TMEM123: variants seen among roughly 807,000 people sequenced by gnomAD.
TMEM123 encodes the protein porimin.
TMEM123 carries 16 observed loss-of-function variants against 19.7 expected under a neutral mutation model. That is an observed-to-expected ratio of 0.81 (90% CI 0.55 to 1.23). TMEM123 has a LOEUF of 1.23. TMEM123 is among the 50% of genes most tolerant of loss of function. TMEM123 has a pLI of 0.00. For synonymous variants in TMEM123, 118 were observed against 99.4 expected (o/e 1.19, Z -1.12); for missense variants, 313 against 257.8 (o/e 1.21, Z -1.47).
At chr11:102,449,755 C>T (rs1857920052) in intron 1 of TMEM123, among the ~76,000 whole-genome samples, 1 of 152,206 alleles carries the variant, frequency 6.6e-6, no homozygotes, top group East Asian at 1.9e-4. Context: ...AGATAGCAAA[C>T]AATTGCCAAC....
intron 2 of TMEM123, among the ~76,000 whole-genome samples, chr11:102,404,526 C>A (rs935949502): frequency 4.0e-5 from 6 of 151,772 alleles, no homozygotes; most frequent in African/African-American, 1.2e-4. Flanking sequence ...TCAGGTGATC[C>A]GCCCACCTCA....
intron 4 of TMEM123, among the ~76,000 whole-genome samples, chr11:102,400,666 C>T (rs751143613): frequency 6.6e-6 from 1 of 152,160 alleles, no homozygotes; most frequent in Non-Finnish European, 1.5e-5. Context: ...GTAGTTAGGT[C>T]GTGAGGGTGG....
chr11:102,446,798 G>A (rs1031356061), intron 2 of TMEM123, among the ~76,000 whole-genome samples: 2 of 152,172 alleles, frequency 1.3e-5, no homozygotes, highest in African/African-American at 4.8e-5. Flanking sequence ...ACTGCAGGCA[G>A]TCTCCGCTTT....
Position 102,401,625 on chromosome 11 carries a change from A to C in TMEM123, c.516T>G (p.Gly172=), listed in dbSNP as rs1951913876. Residue 172 remains glycine, a synonymous_variant, in exon 4 of 5, where the codon GGT becomes GGG. Transcript: ENST00000398136. Reference sequence around the variant, plus strand: ...ATAAAACTCCCAGCGTTAATACAATACCACCAACAAAGCTCCCAGTATCAA... The same window carrying C: ...ATAAAACTCCCAGCGTTAATACAATCCCACCAACAAAGCTCCCAGTATCAA... ...SKFDTGSFVG[G]IVLTLGVLSI... is the part of the protein sequence containing the mutation. The C allele has an allele frequency of 1.2e-6, 2 of 1,609,100 alleles. No homozygotes were observed. Among genetic ancestry groups the C allele is most frequent in the Non-Finnish European group, 1.7e-6 (2 of 1,178,880 alleles).
chr11:102,439,985 T>C (rs1014085425), intron 2 of TMEM123, among the ~76,000 whole-genome samples: 1 of 152,162 alleles, frequency 6.6e-6, no homozygotes, highest in African/African-American at 2.4e-5. Flanking sequence ...GAAGCAAGAT[T>C]ATAAGTTTAG....
chr11:102,402,305 C>G, intron 2 of TMEM123, 99 bp from the exon 3 acceptor site: 1 of 1,235,088 alleles, frequency 8.1e-7, no homozygotes, highest in Non-Finnish European at 1.1e-6. Context: ...AGCAAGAGAT[C>G]TTACAAATAC....
rs561315464 is a variant in TMEM123, at chr11:102,425,802, T to C, written c.157+23010A>G. ...TTCCCCATGTTGTGCAGGCTGGTCT[T>C]AACTCCTGGAGTCAAGCAATCTGCC... is the stretch of plus-strand genomic sequence containing the variant. On this transcript the variant is annotated intron_variant, in intron 2 of 4. Coordinates refer to ENST00000398136, the MANE Select transcript of TMEM123 (RefSeq NM_052932.3). 2.6e-5 allele frequency among the ~76,000 whole-genome samples: 4 copies of C among 152,116 alleles called. No homozygotes were observed. In the South Asian group the frequency reaches 8.3e-4, roughly 32 times the overall value.
intron 2 of TMEM123, among the ~76,000 whole-genome samples, chr11:102,412,737 T>C (rs1046478476): frequency 5.9e-5 from 9 of 152,106 alleles, no homozygotes; most frequent in African/African-American, 1.4e-4. Context: ...ATGAGAAATA[T>C]ATAAAACAAA....
chr11:102,422,337 G>T (rs1278230576), intron 2 of TMEM123, among the ~76,000 whole-genome samples: 1 of 152,104 alleles, frequency 6.6e-6, no homozygotes, highest in Non-Finnish European at 1.5e-5. Flanking sequence ...AGCCAGGTGT[G>T]GTGGCACACG....
intron 1 of TMEM123, chr11:102,452,065 A>C (rs1421346642): frequency 6.5e-6 from 1 of 153,236 alleles, no homozygotes; most frequent in African/African-American, 2.4e-5. Context: ...ATAATATTAG[A>C]CGCTGAAATG....
intron 2 of TMEM123, among the ~76,000 whole-genome samples, chr11:102,425,201 CT>C (rs566277102): frequency 3.9e-5 from 6 of 152,158 alleles, no homozygotes; most frequent in Non-Finnish European, 8.8e-5. Context: ...CTGTGTAGCT[CT>C]TTTTTCATCT....
chr11:102,447,478 G>C (rs1857896032), intron 2 of TMEM123, among the ~76,000 whole-genome samples: 1 of 152,116 alleles, frequency 6.6e-6, no homozygotes, highest in African/African-American at 2.4e-5. Flanking sequence ...ATTAGTAAAT[G>C]TATGAGGAGT....
intron 2 of TMEM123, among the ~76,000 whole-genome samples, chr11:102,410,511 CAAA>C (rs796159138): frequency 1.9e-5 from 2 of 105,410 alleles, no homozygotes; most frequent in Admixed American, 1.0e-4. Context: ...CTGTTAGTTA[CAAA>C]AAAAAAAAAA....
intron 1 of TMEM123, among the ~76,000 whole-genome samples, chr11:102,450,495 A>G (rs541199108): frequency 6.6e-6 from 1 of 152,308 alleles, no homozygotes; most frequent in South Asian, 2.1e-4. Context: ...CCTTCAACTG[A>G]TATTTATAAA....
intron 2 of TMEM123, among the ~76,000 whole-genome samples, chr11:102,411,491 G>A (rs892318685): frequency 1.3e-4 from 20 of 152,188 alleles, no homozygotes; most frequent in Non-Finnish European, 2.2e-4. Context: ...GGGGGTTATG[G>A]GAAAGCCTGA....
intron 1 of TMEM123, among the ~76,000 whole-genome samples, chr11:102,451,783 C>T (rs185430425): frequency 1.4e-4 from 21 of 152,378 alleles, no homozygotes; most frequent in African/African-American, 4.8e-4. Flanking sequence ...AAAGCAAAGT[C>T]AACATCATCC....
intron 2 of TMEM123, among the ~76,000 whole-genome samples, chr11:102,441,210 G>C (rs1857822360): frequency 6.6e-6 from 1 of 152,184 alleles, no homozygotes; most frequent in Admixed American, 6.5e-5. Context: ...GACATCTACA[G>C]AACTCTCCAC....
intron 2 of TMEM123, among the ~76,000 whole-genome samples, chr11:102,428,655 T>TAC (rs1952149602): frequency 6.6e-6 from 1 of 152,110 alleles, no homozygotes; most frequent in Non-Finnish European, 1.5e-5. Context: ...TCCCCTAGAT[T>TAC]ACTTTATCCC....
rs1258412716 is a variant in TMEM123 at position 102,404,269 on chromosome 11, G to A, written c.158-2063C>T. Among the ~76,000 whole-genome samples the A allele has an allele frequency of 6.6e-5, 10 of 152,230 alleles. No homozygotes were observed. The East Asian group carries it at 1.4e-3, about 21-fold the overall frequency. ...ATTTTGGCCTTATTCTTGAAAGACA[G>A]ACAGATTGATATTTATTTATTTATT... On this transcript the variant is annotated intron_variant, in intron 2 of 4. Transcript: ENST00000398136.
Sources: allele counts gnomAD v4.1 joint callset (sites outside exome capture counted in the v4.1 genomes callset), GRCh38; gene constraint gnomAD v4.1.1; transcripts MANE v1.5; gene names NCBI Gene and HGNC (gene_info 2026-07-23, HGNC 2026-07-21).